FAM13B: variants seen among roughly 807,000 people sequenced by gnomAD.
FAM13B encodes the protein protein FAM13B.
In FAM13B, 60 loss-of-function variants were observed where a neutral mutation model predicts 117.3. That is an observed-to-expected ratio of 0.51 (90% CI 0.42 to 0.63). FAM13B has a LOEUF of 0.63. FAM13B is among the 30% of genes least tolerant of loss of function. The probability of loss-of-function intolerance (pLI) is 0.00; values close to 1 mark genes in which losing one functional copy is unlikely to be tolerated. For synonymous variants in FAM13B, 332 were observed against 356.1 expected (o/e 0.93, Z 0.76); for missense variants, 972 against 1,091.9 (o/e 0.89, Z 1.55).
At chr5:137,956,796 C>T (rs1412942948) in intron 13 of FAM13B, among the ~76,000 whole-genome samples, 1 of 151,590 alleles carries the variant, frequency 6.6e-6, no homozygotes, top group Non-Finnish European at 1.5e-5. Flanking sequence ...TTTATTAAAA[C>T]TCAAACATAA....
chr5:138,007,064 T>C lies in FAM13B; in HGVS notation c.774A>G (p.Ser258=). 2 of 1,613,748 alleles carry C rather than the reference T, an allele frequency of 1.2e-6. No individual in the cohort carries two copies. ...EELPEEGAEK[S]NDMPEVVQLR... is the part of the protein sequence containing the mutation. Reference sequence around the variant, plus strand: ...ATTGTACCACCTCTGGCATGTCATTTGATTTTTCTGCACCCTCTTCTGGAA... The same window carrying C: ...ATTGTACCACCTCTGGCATGTCATTCGATTTTTCTGCACCCTCTTCTGGAA... Residue 258 remains serine, a synonymous_variant, in exon 7 of 24, where the codon TCA becomes TCG. Coordinates refer to ENST00000689681, the MANE Select transcript of FAM13B (RefSeq NM_001385994.1).
chr5:137,943,195 T>C lies in FAM13B; in HGVS notation c.2362A>G (p.Arg788Gly). The C allele has an allele frequency of 2.5e-6, 4 of 1,613,954 alleles. No individual in the cohort carries two copies. Among genetic ancestry groups the C allele is most frequent in the Non-Finnish European group, 3.4e-6 (4 of 1,179,894 alleles). Residue 788 changes from arginine to glycine, a missense_variant, in exon 21 of 24, where the codon AGG becomes GGG. Arg to Gly is a moderately radical substitution (Grantham distance 125). Transcript: ENST00000689681. ...ATGATTGGCTGTAACATCTGACCCC[T>C]TCGCTTGGTGGATGGAGATCCCTAT... The part of the protein sequence containing the change: ...PVLGSPSTKR[R>G]GQMLQPIIEG...
At chr5:138,006,932 G>A (rs1443942694) in intron 7 of FAM13B, 58 bp downstream of exon 7, 2 of 1,482,830 alleles carry the variant, frequency 1.3e-6, no homozygotes, top group East Asian at 2.3e-5. Context: ...ATGCTGGAGT[G>A]AGTTTACACT....
chr5:137,991,715 G>GGTAT (rs1778638958), intron 7 of FAM13B, among the ~76,000 whole-genome samples: 1 of 152,144 alleles, frequency 6.6e-6, no homozygotes, highest in African/African-American at 2.4e-5. Flanking sequence ...GATACAATTT[G>GGTAT]GTATCCATAT....
chr5:138,031,946 T>C (rs748137594), intron 1 of FAM13B, among the ~76,000 whole-genome samples: 1 of 152,200 alleles, frequency 6.6e-6, no homozygotes, highest in African/African-American at 2.4e-5. Context: ...ATAGTCTGCA[T>C]TACTACTGGT....
rs375387003 is a variant in FAM13B, at chr5:138,043,019, G to A, written c.-203+8859C>T. ...AGGCAGAAGAATCACTCGAACCCAGGAAGTGGAGGTTACAGTGAGCTGAGA... is the reference window on the plus strand; with the variant it reads ...AGGCAGAAGAATCACTCGAACCCAGAAAGTGGAGGTTACAGTGAGCTGAGA... On this transcript the variant is annotated intron_variant, in intron 1 of 3. Transcript: ENST00000502471. 1.2e-4 allele frequency among the ~76,000 whole-genome samples: 18 copies of A among 152,244 alleles called. No homozygotes were observed. The East Asian group carries it at 3.5e-3, about 29-fold the overall frequency.
intron 7 of FAM13B, among the ~76,000 whole-genome samples, chr5:138,001,249 T>C (rs1407888989): frequency 1.3e-5 from 2 of 152,210 alleles, no homozygotes; most frequent in Non-Finnish European, 2.9e-5. Context: ...CAATAAATGT[T>C]TGCAAATTAC....
intron 6 of FAM13B, 118 bp downstream of exon 6, chr5:138,010,890 A>G: frequency 9.3e-7 from 1 of 1,075,426 alleles, no homozygotes; most frequent in Admixed American, 3.7e-5. Context: ...TAACCAAGAT[A>G]ATTACTTCCA....
chr5:137,976,401 C>T (rs1267167306), intron 10 of FAM13B, among the ~76,000 whole-genome samples: 2 of 152,150 alleles, frequency 1.3e-5, no homozygotes, highest in African/African-American at 4.8e-5. Flanking sequence ...ATTTCTATCA[C>T]TAAATGCAAT....
rs1009532854 is a variant in FAM13B, at chr5:138,032,918, G to A, written c.-339C>T. 1.7e-5 allele frequency: 17 copies of A among 985,730 alleles called. No homozygotes were observed. Among genetic ancestry groups the A allele is most frequent in the Non-Finnish European group, 1.9e-5 (16 of 830,126 alleles). The allele number at this position is 985,730 out of a possible 1,614,324, so 61.1% of individuals were successfully genotyped here. ...CTTCCTGGGGCGGCCGCTGACGGGA[G>A]GTTAAAGCTACGGCTGTGGCGCGGG... On this transcript the variant is annotated 5_prime_UTR_variant, in exon 1 of 24. Transcript: ENST00000689681.
chr5:137,983,373 AG>A (rs1776369943), intron 10 of FAM13B, among the ~76,000 whole-genome samples: 1 of 152,164 alleles, frequency 6.6e-6, no homozygotes, highest in Non-Finnish European at 1.5e-5. Context: ...GTCGGAGGAA[AG>A]GATCACTGCA....
chr5:137,973,672 A>C (rs1247977964), intron 10 of FAM13B, among the ~76,000 whole-genome samples: 1 of 151,904 alleles, frequency 6.6e-6, no homozygotes, highest in Non-Finnish European at 1.5e-5. Flanking sequence ...CAGGCAACCT[A>C]CAGAATGGGA....
At chr5:138,048,116 G>A (rs1265289406) in intron 1 of FAM13B, among the ~76,000 whole-genome samples, 1 of 152,060 alleles carries the variant, frequency 6.6e-6, no homozygotes, top group East Asian at 1.9e-4. Context: ...CAAAACTCTA[G>A]AGCAGTTTTA....
chr5:138,018,277 A>G (rs1029741883), intron 4 of FAM13B, 25 bp downstream of exon 4: 5 of 1,563,866 alleles, frequency 3.2e-6, no homozygotes, highest in Non-Finnish European at 4.4e-6. Flanking sequence ...CAAATGACCA[A>G]TTGATAAGTA....
intron 10 of FAM13B, among the ~76,000 whole-genome samples, chr5:137,966,625 CA>C (rs991303312): frequency 1.3e-5 from 2 of 151,484 alleles, no homozygotes; most frequent in Non-Finnish European, 2.9e-5. Flanking sequence ...AGAAGATATA[CA>C]CATAGCATAT....
In FAM13B at chr5:138,019,259, G is replaced by A. The variant is rs1786023277; in HGVS notation, c.-35-113C>T. On this transcript the variant is annotated intron_variant, in intron 2 of 23. Transcript: ENST00000689681. ...TGAATGTGTTCTCATCTATTTAAAT[G>A]TTCCAGTTAGCAGGCCCATAGTGTG... is the stretch of plus-strand genomic sequence containing the variant. The A allele has an allele frequency of 1.9e-5, 17 of 893,628 alleles. No individual in the cohort carries two copies. The East Asian group carries it at 4.3e-4, about 23-fold the overall frequency. The allele number at this position is 893,628 out of a possible 1,614,324, so 55.4% of individuals were successfully genotyped here. A position where few individuals can be genotyped will look rare whatever the true frequency, so the allele number is the denominator to read the frequency against.
rs1291399758 is a variant in FAM13B at position 137,999,126 on chromosome 5, T to C, written c.848+7864A>G. Among the ~76,000 whole-genome samples the C allele has an allele frequency of 6.0e-3, 913 of 151,890 alleles. 9 individuals carry two copies. The highest frequency in any genetic ancestry group is 0.021 in the African/African-American group (881 of 41,412). On this transcript the variant is annotated intron_variant, in intron 7 of 23. Coordinates refer to ENST00000689681, the MANE Select transcript of FAM13B (RefSeq NM_001385994.1). ...GGTCTTTTTTTTTTTTTGTCTTTTT[T>C]TTTTTGAGACAGGGTCCCACTTAGT... is the stretch of plus-strand genomic sequence containing the variant.
intron 10 of FAM13B, among the ~76,000 whole-genome samples, chr5:137,966,158 C>T (rs62381747): frequency 5.5e-4 from 83 of 151,478 alleles, no homozygotes; most frequent in African/African-American, 1.7e-3. Flanking sequence ...AAATATAGGC[C>T]GGGTGTGGTG....
Position 137,966,474 on chromosome 5 carries a change from TATATATATATATATAGAGAGAG to T in FAM13B, c.1180-4027_1180-4006del, listed in dbSNP as rs1327442546. On this transcript the variant is annotated intron_variant, in intron 10 of 23. Transcript: ENST00000689681. Reference sequence around the variant, plus strand: ...GAAATAGATTTTATATATATATATATATATATATATATATAGAGAGAGAGAGAGAGAGAGAGAGAGAGAGAGA... The same window carrying T: ...GAAATAGATTTTATATATATATATATAGAGAGAGAGAGAGAGAGAGAGAGA... 3.2e-4 allele frequency among the ~76,000 whole-genome samples: 22 copies of T among 69,280 alleles called. No individual in the cohort carries two copies. The East Asian group carries it at 8.1e-3, about 26-fold the overall frequency. 45.5% of individuals were successfully genotyped at this position (69,280 alleles called of 152,430 possible). A position where few individuals can be genotyped will look rare whatever the true frequency, so the allele number is the denominator to read the frequency against.
Sources: allele counts gnomAD v4.1 joint callset (sites outside exome capture counted in the v4.1 genomes callset), GRCh38; gene constraint gnomAD v4.1.1; transcripts MANE v1.5; gene names NCBI Gene and HGNC (gene_info 2026-07-23, HGNC 2026-07-21).